CTNNA1: variants seen among roughly 807,000 people sequenced by gnomAD.
The protein encoded by CTNNA1 is catenin alpha-1.
CTNNA1 carries 37 observed loss-of-function variants against 98.4 expected under a neutral mutation model. That is an observed-to-expected ratio of 0.38 (90% CI 0.29 to 0.49). The LOEUF is 0.49. Ranked by LOEUF, CTNNA1 falls within the 20% of genes least tolerant of loss-of-function variation. The pLI is 0.95. For synonymous variants in CTNNA1, 404 were observed against 413.2 expected (o/e 0.98, Z 0.27); for missense variants, 761 against 1,147.2 (o/e 0.66, Z 4.86).
chr5:138,807,205 A>G (rs1045569363), intron 3 of CTNNA1, among the ~76,000 whole-genome samples: 15 of 151,690 alleles, frequency 9.9e-5, no homozygotes, highest in African/African-American at 3.4e-4. Flanking sequence ...ATGGGGTTTC[A>G]CCATATTGGC....
At chr5:138,880,745 G>A (rs540899855) in intron 7 of CTNNA1, 22 of 285,894 alleles carry the variant, frequency 7.7e-5, no homozygotes, top group African/African-American at 4.8e-4. Flanking sequence ...TAAGATACCC[G>A]TTCATACTTA....
chr5:138,762,091 C>G (rs1413359428), intron 1 of CTNNA1: 1 of 152,198 alleles, frequency 6.6e-6, no homozygotes, highest in Admixed American at 6.5e-5. Context: ...GGTTATTATT[C>G]TATGCATGTT....
At chr5:138,766,652 A>G (rs1428544475) in intron 1 of CTNNA1, among the ~76,000 whole-genome samples, 3 of 152,190 alleles carry the variant, frequency 2.0e-5, no homozygotes, top group East Asian at 3.9e-4. Flanking sequence ...GTCTCATTCT[A>G]GGGACCTGGA....
At chr5:138,795,963 G>A (rs947892275) in intron 3 of CTNNA1, among the ~76,000 whole-genome samples, 1 of 152,114 alleles carries the variant, frequency 6.6e-6, no homozygotes, top group Non-Finnish European at 1.5e-5. Context: ...ATATGCTCAC[G>A]TGGGTAGAGA....
rs1018774210 is a variant in CTNNA1, at chr5:138,873,831, A to G, written c.1063-12381A>G. On this transcript the variant is annotated intron_variant, in intron 7 of 17. Coordinates refer to ENST00000302763, the MANE Select transcript of CTNNA1 (RefSeq NM_001903.5). The surrounding 1 kb of genome is among the most constrained non-coding windows in gnomAD (Gnocchi z 6.1). Reference sequence around the variant, plus strand: ...CAGGTCCACTCCATCCCACATGTCAAGTTGCTGATTTTGTTCCATTGTAAG... The same window carrying G: ...CAGGTCCACTCCATCCCACATGTCAGGTTGCTGATTTTGTTCCATTGTAAG... 8.1e-6 allele frequency: 13 copies of G among 1,613,842 alleles called. No individual in the cohort carries two copies. In the African/African-American group the frequency reaches 1.1e-4, roughly 13 times the overall value.
chr5:138,874,925 T>C lies in CTNNA1; in HGVS notation c.1063-11287T>C. The C allele has an allele frequency of 3.7e-6, 6 of 1,613,648 alleles. No homozygotes were observed. The highest frequency in any genetic ancestry group is 5.1e-6 in the Non-Finnish European group (6 of 1,179,748). ...AGACTTACCCATTCTTCTGAGCACATTGGAGGCTGCATTCAGTCGCGGTTG... is the reference window on the plus strand; with the variant it reads ...AGACTTACCCATTCTTCTGAGCACACTGGAGGCTGCATTCAGTCGCGGTTG... On this transcript the variant is annotated intron_variant, in intron 7 of 17. Coordinates refer to ENST00000302763, the MANE Select transcript of CTNNA1 (RefSeq NM_001903.5). The surrounding 1 kb of genome is among the most constrained non-coding windows in gnomAD (Gnocchi z 4.1).
chr5:138,881,032 C>CTCTGTAA (rs1752793475), intron 7 of CTNNA1: 1 of 455,966 alleles, frequency 2.2e-6, no homozygotes, highest in African/African-American at 2.0e-5. Flanking sequence ...TTACTCTGTA[C>CTCTGTAA]GGTTTATAGC....
intron 13 of CTNNA1, among the ~76,000 whole-genome samples, chr5:138,927,396 C>T (rs1196338445): frequency 6.6e-6 from 1 of 152,324 alleles, no homozygotes; most frequent in East Asian, 1.9e-4. Context: ...GCTAAGCCCC[C>T]CTTCTGTGGC....
chr5:138,814,954 A>G (rs996006645), intron 5 of CTNNA1, among the ~76,000 whole-genome samples: 3 of 152,190 alleles, frequency 2.0e-5, no homozygotes, highest in Admixed American at 2.0e-4. Flanking sequence ...GGGTTTCACC[A>G]TCTTGGCCAG....
intron 5 of CTNNA1, among the ~76,000 whole-genome samples, chr5:138,822,665 T>C (rs549989488): frequency 6.6e-6 from 1 of 152,344 alleles, no homozygotes; most frequent in Non-Finnish European, 1.5e-5. Flanking sequence ...AAATGATAAC[T>C]GATTCTTTAA....
At position 138,824,591 on chromosome 5, in the gene CTNNA1, A is replaced by G. The variant is rs1489665450; in HGVS notation, c.650A>G (p.Asn217Ser). Reference sequence around the variant, plus strand: ...GCAGCTAGAGGAATCCTGCAGAAGAACGTTCCGATCCTCTATACTGCATCC... The same window carrying G: ...GCAGCTAGAGGAATCCTGCAGAAGAGCGTTCCGATCCTCTATACTGCATCC... ...MAAARGILQK[N>S]VPILYTASQA... The change falls in exon 6 of 18, where the codon AAC (asparagine) becomes AGC (serine). Residue 217 changes from asparagine (N) to serine (S), a missense_variant. Physicochemically the swap from Asn to Ser is conservative, Grantham distance 46. Coordinates refer to ENST00000302763, the MANE Select transcript of CTNNA1 (RefSeq NM_001903.5). 1.2e-6 allele frequency: 2 copies of G among 1,614,104 alleles called. No individual in the cohort carries two copies. The highest frequency in any genetic ancestry group is 1.3e-5 in the African/African-American group (1 of 74,946).
chr5:138,850,163 A>G (rs1763064631), intron 7 of CTNNA1, among the ~76,000 whole-genome samples: 1 of 152,150 alleles, frequency 6.6e-6, no homozygotes, highest in Non-Finnish European at 1.5e-5. Flanking sequence ...CTTTGCTCTT[A>G]TGGCTACCCA....
chr5:138,833,736 G>GCATA (rs1257911998), intron 7 of CTNNA1, among the ~76,000 whole-genome samples: 2 of 152,196 alleles, frequency 1.3e-5, no homozygotes, highest in Non-Finnish European at 2.9e-5. Flanking sequence ...GGTAGTCCAT[G>GCATA]CATAGTAGCT....
In CTNNA1 at chr5:138,753,455, G is replaced by T. The variant is rs1751216967; in HGVS notation, c.-58G>T. The T allele has an allele frequency of 5.3e-6, 2 of 377,336 alleles. No homozygotes were observed. 23.4% of individuals were successfully genotyped at this position (377,336 alleles called of 1,614,324 possible). The stretch of plus-strand genomic sequence containing the variant: ...CCTAGCCGGACTGGAGGGAGACAAA[G>T]CAGCGCCCGTCTGCTTCGGGCCTCT... On this transcript the variant is annotated 5_prime_UTR_variant, in exon 1 of 18. Coordinates refer to ENST00000302763, the MANE Select transcript of CTNNA1 (RefSeq NM_001903.5).
At chr5:138,862,861 A>G (rs1162721653) in intron 7 of CTNNA1, among the ~76,000 whole-genome samples, 6 of 152,206 alleles carry the variant, frequency 3.9e-5, no homozygotes, top group Admixed American at 2.6e-4. Context: ...TGGGTCTAAC[A>G]TGTCTTTAAT....
intron 9 of CTNNA1, among the ~76,000 whole-genome samples, chr5:138,894,761 C>A (rs1756383056): frequency 6.6e-6 from 1 of 152,106 alleles, no homozygotes; most frequent in Non-Finnish European, 1.5e-5. Flanking sequence ...ATTCAAAAAT[C>A]CAGATTCTCA....
At chr5:138,922,006 G>T (rs1056354333) in intron 11 of CTNNA1, among the ~76,000 whole-genome samples, 3 of 151,654 alleles carry the variant, frequency 2.0e-5, no homozygotes, top group African/African-American at 4.9e-5. Flanking sequence ...CATAAAGTAT[G>T]AAACATTGTT....
At chr5:138,885,817 T>G (rs1202614445) in intron 7 of CTNNA1, among the ~76,000 whole-genome samples, 2 of 152,212 alleles carry the variant, frequency 1.3e-5, no homozygotes, top group Non-Finnish European at 2.9e-5. Flanking sequence ...TCTTCAGATC[T>G]CAGAGTTCAT....
intron 3 of CTNNA1, among the ~76,000 whole-genome samples, chr5:138,788,930 C>T (rs373451211): frequency 2.0e-5 from 3 of 152,296 alleles, no homozygotes; most frequent in Admixed American, 1.3e-4. Flanking sequence ...CCCTATAGCT[C>T]ATGGGCATTT....
Sources: allele counts gnomAD v4.1 joint callset (sites outside exome capture counted in the v4.1 genomes callset), GRCh38; gene constraint gnomAD v4.1.1; non-coding constraint Gnocchi (gnomAD v3.1); transcripts MANE v1.5; gene names NCBI Gene and HGNC (gene_info 2026-07-23, HGNC 2026-07-21).